The following WWOX variants were observed in gnomAD, a reference collection of about 807,000 sequenced individuals.
The protein encoded by WWOX is WW domain containing oxidoreductase, also known as WW domain-containing oxidoreductase.
In WWOX, 69 loss-of-function variants were observed where a neutral mutation model predicts 46.2. The observed-to-expected ratio is 1.49, with a 90% CI of 1.23 to 1.82. The LOEUF is 1.82. Ranked by LOEUF, WWOX falls within the 40% of genes most tolerant of loss-of-function variation. The pLI is 0.00. For missense variants in WWOX, 919 were observed against 542.6 expected, an observed-to-expected ratio of 1.69 and a Z score of -6.89; for synonymous variants, 359 against 202.6, an observed-to-expected ratio of 1.77 and a Z score of -6.56.
chr16:78,480,662 C>G (rs1022075639), intron 8 of WWOX, among the ~76,000 whole-genome samples: 4 of 152,210 alleles, frequency 2.6e-5, no homozygotes, highest in African/African-American at 9.6e-5. Flanking sequence ...CACAGATGCA[C>G]TGACACAGGT....
chr16:78,825,886 G>A (rs571834073), intron 8 of WWOX: 6 of 686,504 alleles, frequency 8.7e-6, no homozygotes, highest in African/African-American at 7.1e-5. Flanking sequence ...AGAAGCCTCT[G>A]CCTGACCACG....
At chr16:78,813,621 C>G (rs1394672641) in intron 8 of WWOX, among the ~76,000 whole-genome samples, 1 of 151,978 alleles carries the variant, frequency 6.6e-6, no homozygotes, top group African/African-American at 2.4e-5. Context: ...GTGTTCATCA[C>G]GTATCCATTG....
At chr16:78,237,278 C>T (rs2037473442) in intron 5 of WWOX, 1 of 152,038 alleles carries the variant, frequency 6.6e-6, no homozygotes, top group Admixed American at 6.6e-5. Context: ...ACCATGATTC[C>T]AATTTAAGAG....
At chr16:78,228,208 G>C (rs961635247) in intron 5 of WWOX, among the ~76,000 whole-genome samples, 1 of 152,074 alleles carries the variant, frequency 6.6e-6, no homozygotes, top group African/African-American at 2.4e-5. Context: ...AGTCCAGGGT[G>C]TTCTCTTACC....
chr16:78,646,150 AG>A (rs1230100069), intron 8 of WWOX, among the ~76,000 whole-genome samples: 2 of 152,148 alleles, frequency 1.3e-5, no homozygotes, highest in Non-Finnish European at 2.9e-5. Flanking sequence ...ACACCTTTGC[AG>A]GTTTCAGGGT....
At chr16:78,942,819 G>A (rs751448330) in intron 8 of WWOX, among the ~76,000 whole-genome samples, 139 of 152,120 alleles carry the variant, frequency 9.1e-4, no homozygotes, top group African/African-American at 1.9e-3. Context: ...CTGGTTTCCC[G>A]GAAGGGATGA....
chr16:78,948,195 A>G (rs996902608), intron 8 of WWOX, among the ~76,000 whole-genome samples: 4 of 152,210 alleles, frequency 2.6e-5, no homozygotes, highest in Non-Finnish European at 4.4e-5. Flanking sequence ...ACATTTAGAA[A>G]TGCAGACTTG....
At chr16:78,642,842 G>A (rs974325507) in intron 8 of WWOX, among the ~76,000 whole-genome samples, 3 of 152,116 alleles carry the variant, frequency 2.0e-5, no homozygotes, top group African/African-American at 7.2e-5. Context: ...TTAGGATTAG[G>A]CAATACTTTA....
intron 8 of WWOX, among the ~76,000 whole-genome samples, chr16:78,921,945 G>C (rs969109283): frequency 6.6e-6 from 1 of 152,166 alleles, no homozygotes; most frequent in Non-Finnish European, 1.5e-5. Flanking sequence ...ATTAGATCGG[G>C]GAAGAGACAA....
intron 8 of WWOX, among the ~76,000 whole-genome samples, chr16:78,751,493 A>G (rs1479222500): frequency 1.4e-5 from 2 of 143,004 alleles, no homozygotes; most frequent in Admixed American, 1.4e-4. Context: ...ATATATGCAT[A>G]TGTTTGTATA....
At chr16:78,740,969 C>T (rs540821694) in intron 8 of WWOX, among the ~76,000 whole-genome samples, 2 of 152,188 alleles carry the variant, frequency 1.3e-5, no homozygotes, top group Non-Finnish European at 2.9e-5. Flanking sequence ...TGTGCAAATA[C>T]AAGCCCTTCT....
At chr16:79,012,396 C>G (rs1476283475) in intron 8 of WWOX, among the ~76,000 whole-genome samples, 2 of 152,114 alleles carry the variant, frequency 1.3e-5, no homozygotes, top group African/African-American at 4.8e-5. Flanking sequence ...CCACGCCCAG[C>G]TAATTTTTGC....
At chr16:78,411,667 A>T (rs957416119) in intron 6 of WWOX, among the ~76,000 whole-genome samples, 5 of 152,230 alleles carry the variant, frequency 3.3e-5, no homozygotes, top group Non-Finnish European at 5.9e-5. Flanking sequence ...TAGTATTTTA[A>T]TAAGTTTAAC....
intron 5 of WWOX, among the ~76,000 whole-genome samples, chr16:78,182,593 G>T (rs534851687): frequency 2.0e-5 from 3 of 151,664 alleles, no homozygotes; most frequent in South Asian, 2.1e-4. Context: ...TCAGCACATC[G>T]CTGTCAACCT....
At chr16:78,965,973 C>G (rs182237071) in intron 8 of WWOX, among the ~76,000 whole-genome samples, 4 of 152,126 alleles carry the variant, frequency 2.6e-5, no homozygotes, top group Non-Finnish European at 4.4e-5. Flanking sequence ...GAAGGAGATG[C>G]TGTGATTTGG....
Position 78,425,059 on chromosome 16 carries a change from G to A in WWOX, c.791+4G>A. 1.2e-6 allele frequency: 2 copies of A among 1,613,232 alleles called. No homozygotes were observed. Among genetic ancestry groups the A allele is most frequent in the Non-Finnish European group, 1.7e-6 (2 of 1,179,988 alleles). ...TGGTCTCCTCAGAGTCCCATCGGTG[G>A]GTTTGAATTGCATATTTGTTCACTT... On this transcript the variant is annotated splice_donor_region_variant and intron_variant, in intron 7 of 8. Transcript: ENST00000566780.
In WWOX at chr16:78,330,806, A is replaced by G. The variant is rs11861848; in HGVS notation, c.517-56054A>G. Among the ~76,000 whole-genome samples the G allele has an allele frequency of 6.5e-3, 995 of 152,334 alleles. 12 individuals carry two copies. Among genetic ancestry groups the G allele is most frequent in the African/African-American group, 0.023 (946 of 41,574 alleles). On this transcript the variant is annotated intron_variant, in intron 5 of 8. Transcript: ENST00000566780. ...TCACCCTCAAAGGGGAATTTAATTT[A>G]CGACTTCATTTGTACTTTCAAACTT...
chr16:78,105,887 C>T (rs938366423), intron 1 of WWOX, among the ~76,000 whole-genome samples: 1 of 152,146 alleles, frequency 6.6e-6, no homozygotes, highest in East Asian at 1.9e-4. Context: ...CTGCAACCTC[C>T]ACCTCCCAGG....
At chr16:78,728,704 T>C (rs936407503) in intron 8 of WWOX, among the ~76,000 whole-genome samples, 5 of 152,202 alleles carry the variant, frequency 3.3e-5, no homozygotes, top group African/African-American at 1.2e-4. Flanking sequence ...ATGATCTGTA[T>C]AGCCTTTTCC....
Sources: gnomAD v4.1 joint callset for allele counts (sites outside exome capture counted in the v4.1 genomes callset) on GRCh38, gnomAD v4.1.1 for gene constraint, MANE v1.5 for transcripts, NCBI Gene and HGNC (gene_info 2026-07-23, HGNC 2026-07-21) for gene names.